The following UST variants were observed in gnomAD, a reference collection of about 807,000 sequenced individuals.
UST encodes uronyl 2-sulfotransferase.
Under a neutral mutation model 45.6 loss-of-function variants are expected in UST, and 21 were observed. The observed-to-expected ratio is 0.46, with a 90% CI of 0.33 to 0.66. UST has a LOEUF of 0.66. Ranked by LOEUF, UST falls within the 30% of genes least tolerant of loss-of-function variation. The pLI is 0.02. For missense variants in UST, 463 were observed against 512.4 expected, an observed-to-expected ratio of 0.90 and a Z score of 0.93; for synonymous variants, 215 against 200.6, an observed-to-expected ratio of 1.07 and a Z score of -0.61.
intron 1 of UST, among the ~76,000 whole-genome samples, chr6:148,882,003 A>G (rs948516206): frequency 2.0e-5 from 3 of 152,222 alleles, no homozygotes; most frequent in Non-Finnish European, 4.4e-5. Context: ...CTGTCTATGC[A>G]ACTTTTCTTT....
At chr6:148,761,234 G>A (rs967701843) in intron 1 of UST, among the ~76,000 whole-genome samples, 4 of 152,138 alleles carry the variant, frequency 2.6e-5, no homozygotes, top group Non-Finnish European at 4.4e-5. Context: ...CCCCTGAGAC[G>A]CCCTCTCTGC....
intron 3 of UST, among the ~76,000 whole-genome samples, chr6:148,942,608 T>C (rs140060207): frequency 7.8e-4 from 118 of 152,186 alleles, no homozygotes; most frequent in African/African-American, 2.7e-3. Flanking sequence ...TAAATTTCCA[T>C]CCATGTCCAT....
intron 2 of UST, among the ~76,000 whole-genome samples, chr6:148,925,533 A>G (rs1478257067): frequency 1.3e-5 from 2 of 152,230 alleles, no homozygotes; most frequent in South Asian, 2.1e-4. Flanking sequence ...GTTTGCAAAC[A>G]TTGCCCAGTG....
intron 7 of UST, among the ~76,000 whole-genome samples, chr6:149,026,593 A>C (rs761663068): frequency 3.9e-5 from 6 of 152,234 alleles, no homozygotes; most frequent in Non-Finnish European, 5.9e-5. Flanking sequence ...GAACATGTGA[A>C]TATGTGTAAT....
intron 1 of UST, among the ~76,000 whole-genome samples, chr6:148,849,243 T>C (rs1778059124): frequency 6.6e-6 from 1 of 152,180 alleles, no homozygotes; most frequent in African/African-American, 2.4e-5. Flanking sequence ...TCCAATTAAG[T>C]TGACGCCTAA....
chr6:148,903,389 T>C (rs999387530), intron 2 of UST, among the ~76,000 whole-genome samples: 1 of 152,204 alleles, frequency 6.6e-6, no homozygotes, highest in Non-Finnish European at 1.5e-5. Flanking sequence ...TTAATAATAT[T>C]AAAAATGTTC....
intron 7 of UST, among the ~76,000 whole-genome samples, chr6:149,061,133 G>A (rs956136115): frequency 6.6e-6 from 1 of 152,092 alleles, no homozygotes; most frequent in African/African-American, 2.4e-5. Context: ...TAACCATCTC[G>A]GAGGTCATAA....
intron 1 of UST, among the ~76,000 whole-genome samples, chr6:148,760,109 A>C (rs1776183615): frequency 1.3e-5 from 2 of 152,186 alleles, no homozygotes; most frequent in Admixed American, 1.3e-4. Context: ...ACACAAAAAC[A>C]TTTTAGGCCA....
chr6:149,050,321 G>A (rs1443714813), intron 7 of UST, among the ~76,000 whole-genome samples: 29 of 152,186 alleles, frequency 1.9e-4, no homozygotes, highest in Non-Finnish European at 2.9e-5. Context: ...TAGCAAATCG[G>A]ATGGGGACTC....
At chr6:148,999,756 T>G (rs1438850460) in intron 5 of UST, among the ~76,000 whole-genome samples, 2 of 139,350 alleles carry the variant, frequency 1.4e-5, no homozygotes, top group Admixed American at 1.4e-4. Context: ...CAAGTTTCAC[T>G]CCTTACATCC....
intron 1 of UST, among the ~76,000 whole-genome samples, chr6:148,858,969 G>T (rs1185636986): frequency 6.6e-6 from 1 of 152,168 alleles, no homozygotes; most frequent in African/African-American, 2.4e-5. Flanking sequence ...ACGTGTGCAT[G>T]TGTCTTTATA....
At chr6:148,813,495 C>T (rs1389668120) in intron 1 of UST, among the ~76,000 whole-genome samples, 4 of 152,026 alleles carry the variant, frequency 2.6e-5, no homozygotes, top group Non-Finnish European at 5.9e-5. Flanking sequence ...GATTCTCCTG[C>T]GTCAGCCTCC....
At chr6:148,851,713 C>T (rs904517169) in intron 1 of UST, among the ~76,000 whole-genome samples, 1 of 152,136 alleles carries the variant, frequency 6.6e-6, no homozygotes, top group Non-Finnish European at 1.5e-5. Flanking sequence ...GGTGAGGTGA[C>T]GGCTGGGAAT....
intron 1 of UST, among the ~76,000 whole-genome samples, chr6:148,877,869 G>A (rs569215310): frequency 2.3e-5 from 3 of 132,598 alleles, no homozygotes; most frequent in Admixed American, 7.7e-5. Flanking sequence ...GATCATGTAC[G>A]AGTGTGGGGA....
intron 7 of UST, among the ~76,000 whole-genome samples, chr6:149,061,719 C>G (rs1248741924): frequency 6.6e-6 from 1 of 152,212 alleles, no homozygotes; most frequent in African/African-American, 2.4e-5. Flanking sequence ...CCTGAGCCAC[C>G]AGCTTTCTGT....
chr6:148,796,623 C>CAAAAAAA (rs11465084), intron 1 of UST, among the ~76,000 whole-genome samples: 38 of 88,936 alleles, frequency 4.3e-4, no homozygotes, highest in African/African-American at 1.0e-3. Flanking sequence ...GACTCTGTCT[C>CAAAAAAA]AAAAAAAAAA....
At chr6:148,880,676 G>A (rs1778806815) in intron 1 of UST, among the ~76,000 whole-genome samples, 1 of 152,194 alleles carries the variant, frequency 6.6e-6, no homozygotes, top group African/African-American at 2.4e-5. Context: ...AATTTAGATT[G>A]TGTTGTAATT....
At chr6:148,930,996 G>T (rs749635853) in intron 2 of UST, among the ~76,000 whole-genome samples, 8 of 152,232 alleles carry the variant, frequency 5.3e-5, no homozygotes, top group Admixed American at 3.3e-4. Context: ...ACAGTGCTTT[G>T]ATGAGAGAGG....
intron 1 of UST, among the ~76,000 whole-genome samples, chr6:148,788,565 ACT>A (rs1452757262): frequency 6.6e-6 from 1 of 152,186 alleles, no homozygotes; most frequent in East Asian, 1.9e-4. Flanking sequence ...TGTACAGATC[ACT>A]TATTATCCTC....
Sources: gnomAD v4.1 joint callset for allele counts (sites outside exome capture counted in the v4.1 genomes callset) on GRCh38, gnomAD v4.1.1 for gene constraint, MANE v1.5 for transcripts, NCBI Gene and HGNC (gene_info 2026-07-23, HGNC 2026-07-21) for gene names.